MVK: variants seen among roughly 807,000 people sequenced by gnomAD.
MVK encodes mevalonate kinase, also known as LH receptor mRNA-binding protein.
MVK carries 34 observed loss-of-function variants against 43.2 expected under a neutral mutation model. The observed-to-expected ratio is 0.79, with a 90% CI of 0.60 to 1.05. MVK has a LOEUF of 1.05. Ranked by LOEUF, MVK falls within the 50% of genes least tolerant of loss-of-function variation. The pLI is 0.00. For missense variants in MVK, 395 were observed against 504.0 expected (o/e 0.78, Z 2.07); for synonymous variants, 190 against 219.8 (o/e 0.86, Z 1.20).
In MVK at chr12:109,586,782, G is replaced by A; in HGVS notation, c.660G>A (p.Lys220=). Residue 220 remains lysine (K), a synonymous_variant, in exon 7 of 11, where the codon AAG becomes AAA. Coordinates refer to ENST00000228510, the MANE Select transcript of MVK (RefSeq NM_000431.4). ...WGGALRYHQG[K]ISSLKRSPAL... ...GAGCCCTCCGATACCATCAAGGGAA[G>A]ATTTCATCCTTAAAGAGGTAACCTG... 4 of 1,614,180 alleles carry A rather than the reference G, an allele frequency of 2.5e-6. No homozygotes were observed. Among genetic ancestry groups the A allele is most frequent in the Non-Finnish European group, 3.4e-6 (4 of 1,180,020 alleles).
intron 5 of MVK, among the ~76,000 whole-genome samples, chr12:109,584,960 A>C (rs1885374212): frequency 6.6e-6 from 1 of 152,230 alleles, no homozygotes; most frequent in African/African-American, 2.4e-5. Flanking sequence ...AGGTCAGAAA[A>C]CCACCTTTAG....
chr12:109,594,878 A>AC (rs1885845865), intron 9 of MVK, 150 bp from the exon 10 acceptor site: 1 of 858,870 alleles, frequency 1.2e-6, no homozygotes. Flanking sequence ...GGATTCTTTT[A>AC]CAAGTGGAGA....
rs536803476 is a variant in MVK, at chr12:109,585,390, A to G, written c.528-632A>G. The stretch of plus-strand genomic sequence containing the variant: ...GACACCTTGCCATCATTAGACACAC[A>G]TGCAGCTAGCCTCTGAGGAGGGTGG... On this transcript the variant is annotated intron_variant, in intron 5 of 10. Coordinates refer to ENST00000228510, the MANE Select transcript of MVK (RefSeq NM_000431.4). 3.0e-4 allele frequency among the ~76,000 whole-genome samples: 45 copies of G among 152,244 alleles called. 1 individual carries two copies. Among genetic ancestry groups the G allele is most frequent in the African/African-American group, 1.0e-3 (43 of 41,518 alleles).
rs185900996 is a variant in MVK at position 109,595,449 on chromosome 12, G to T, written c.1039+268G>T. Among the ~76,000 whole-genome samples, 281 of 152,276 alleles carry T rather than the reference G, an allele frequency of 1.8e-3. 4 individuals are homozygous for T. The highest frequency in any genetic ancestry group is 6.4e-3 in the African/African-American group (264 of 41,554). ...GGGCTGGGCTGTGGCTGGGGCTCCT[G>T]TCATCGGGGCTGTCCGCACAAGCTT... On this transcript the variant is annotated intron_variant, in intron 10 of 10. Coordinates refer to ENST00000228510, the MANE Select transcript of MVK (RefSeq NM_000431.4). The surrounding 1 kb of genome is among the most constrained non-coding windows in gnomAD (Gnocchi z 5.9).
At chr12:109,581,309 G>T (rs1885204563) in intron 4 of MVK, 86 bp from the exon 5 acceptor site, 8 of 1,566,962 alleles carry the variant, frequency 5.1e-6, no homozygotes, top group Non-Finnish European at 7.0e-6. Flanking sequence ...GATGCTTGGA[G>T]TCAGGCCTGG....
Position 109,596,640 on chromosome 12 carries a change from A to C in MVK, c.*63A>C. ...CTTTCTGGATTATTCTGGGGGCTGC[A>C]GTTCGACTCTGTGCTGGCCAGCGAG... On this transcript the variant is annotated 3_prime_UTR_variant, in exon 11 of 11. Coordinates refer to ENST00000228510, the MANE Select transcript of MVK (RefSeq NM_000431.4). 1.3e-6 allele frequency: 2 copies of C among 1,578,526 alleles called. No homozygotes were observed. Among genetic ancestry groups the C allele is most frequent in the Non-Finnish European group, 1.7e-6 (2 of 1,164,806 alleles).
At chr12:109,576,206 G>C (rs1884946776) in intron 3 of MVK, 61 bp downstream of exon 3, 3 of 1,607,754 alleles carry the variant, frequency 1.9e-6, no homozygotes, top group Non-Finnish European at 2.6e-6. Flanking sequence ...AGCTGGCCAG[G>C]TATTCTGGGC....
chr12:109,577,203 C>T (rs1884995849), intron 3 of MVK, among the ~76,000 whole-genome samples: 1 of 152,212 alleles, frequency 6.6e-6, no homozygotes, highest in South Asian at 2.1e-4. Context: ...TTCATCCACT[C>T]ATAAGCAGGC....
At position 109,573,845 on chromosome 12, in the gene MVK, G is replaced by A. The variant is rs1884783734; in HGVS notation, c.-43G>A. 1 of 218,064 alleles carries A rather than the reference G, an allele frequency of 4.6e-6. No homozygotes were observed. Among genetic ancestry groups the A allele is most frequent in the Non-Finnish European group, 8.9e-6 (1 of 112,070 alleles). 13.5% of individuals were successfully genotyped at this position (218,064 alleles called of 1,614,324 possible). On this transcript the variant is annotated 5_prime_UTR_variant, in exon 1 of 11. Transcript: ENST00000228510. ...TGCTCCGGCTTCGGCGCGGAGGGGC[G>A]GCGGCCGGGGAGGCGGCGGCGGCGG...
intron 9 of MVK, 61 bp from the exon 10 acceptor site, chr12:109,594,967 T>C: frequency 6.2e-7 from 1 of 1,605,616 alleles, no homozygotes; most frequent in Non-Finnish European, 8.5e-7. Context: ...GGCTCAGGGG[T>C]GGGCATAGGA....
chr12:109,595,002 G>A lies in MVK; in HGVS notation c.886-26G>A. 6.2e-7 allele frequency: 1 copy of A among 1,613,966 alleles called. No individual in the cohort carries two copies. The highest frequency in any genetic ancestry group is 1.1e-5 in the South Asian group (1 of 91,084). ...ACCTTGGCCTCAGGCAGGCCAAGTG[G>A]GAACAGATGGAACCTTCTCCCCTAG... On this transcript the variant is annotated intron_variant, in intron 9 of 10. Coordinates refer to ENST00000228510, the MANE Select transcript of MVK (RefSeq NM_000431.4). This position sits in a 1 kb window ranked among gnomAD's most constrained non-coding sequence, Gnocchi z 5.9.
chr12:109,586,913 C>A, intron 7 of MVK, 114 bp downstream of exon 7: 1 of 1,296,082 alleles, frequency 7.7e-7, no homozygotes, highest in Non-Finnish European at 1.1e-6. Context: ...GGCTCTTCAT[C>A]CCCCAATGTG....
chr12:109,597,159 G>C lies in MVK; in HGVS notation c.*582G>C, dbSNP rs1885960631. On this transcript the variant is annotated 3_prime_UTR_variant, in exon 11 of 11. Transcript: ENST00000228510. Reference sequence around the variant, plus strand: ...CCAGGGGCTGTCCCGGAGGCGGTGGGCCTGGTTAAATAAGGCAGGGTTTAT... The same window carrying C: ...CCAGGGGCTGTCCCGGAGGCGGTGGCCCTGGTTAAATAAGGCAGGGTTTAT... The C allele has an allele frequency of 5.6e-6, 1 of 179,192 alleles. No homozygotes were observed. Among genetic ancestry groups the C allele is most frequent in the Non-Finnish European group, 1.2e-5 (1 of 82,912 alleles). 11.1% of individuals were successfully genotyped at this position (179,192 alleles called of 1,614,324 possible).
At chr12:109,586,221 C>T (rs1885426036) in intron 6 of MVK, 96 bp downstream of exon 6, 10 of 988,710 alleles carry the variant, frequency 1.0e-5, no homozygotes, top group East Asian at 2.6e-5. Context: ...TGGGAGGAAT[C>T]GAATCAATGG....
In MVK at chr12:109,586,814, G is replaced by A. The variant is rs1885455724; in HGVS notation, c.677+15G>A. On this transcript the variant is annotated intron_variant, in intron 7 of 10. Coordinates refer to ENST00000228510, the MANE Select transcript of MVK (RefSeq NM_000431.4). ...TCCTTAAAGAGGTAACCTGGGGGTGGAGCAGCACATTCAGCCATGGCTGCA... is the reference window on the plus strand; with the variant it reads ...TCCTTAAAGAGGTAACCTGGGGGTGAAGCAGCACATTCAGCCATGGCTGCA... 1.2e-6 allele frequency: 2 copies of A among 1,613,976 alleles called. No homozygotes were observed. Among genetic ancestry groups the A allele is most frequent in the East Asian group, 2.2e-5 (1 of 44,874 alleles).
intron 9 of MVK, among the ~76,000 whole-genome samples, chr12:109,593,661 G>A (rs1037143923): frequency 2.6e-5 from 4 of 151,468 alleles, no homozygotes; most frequent in Non-Finnish European, 5.9e-5. Context: ...CACATATCTC[G>A]TGCCAGGCAT....
At chr12:109,578,622 G>C (rs768745229) in intron 3 of MVK, among the ~76,000 whole-genome samples, 25 of 152,274 alleles carry the variant, frequency 1.6e-4, no homozygotes, top group Non-Finnish European at 3.2e-4. Flanking sequence ...CAAAGTCCAG[G>C]CTCTTAACAG....
At chr12:109,587,608 G>C (rs1183606349) in intron 7 of MVK, among the ~76,000 whole-genome samples, 1 of 152,158 alleles carries the variant, frequency 6.6e-6, no homozygotes, top group African/African-American at 2.4e-5. Context: ...TTTCGCATCA[G>C]TAAGGGTCCT....
At chr12:109,593,538 A>T (rs1417312421) in intron 9 of MVK, among the ~76,000 whole-genome samples, 2 of 145,212 alleles carry the variant, frequency 1.4e-5, no homozygotes, top group Admixed American at 1.4e-4. Flanking sequence ...TTCCAGTGCC[A>T]GCTTGGTACC....
Sources: allele counts gnomAD v4.1 joint callset (sites outside exome capture counted in the v4.1 genomes callset), GRCh38; gene constraint gnomAD v4.1.1; non-coding constraint Gnocchi (gnomAD v3.1); transcripts MANE v1.5; gene names NCBI Gene and HGNC (gene_info 2026-07-23, HGNC 2026-07-21).